The following LGSN variants were observed in gnomAD, a reference collection of about 807,000 sequenced individuals.
LGSN encodes the protein lengsin.
A neutral mutation model predicts 19.5 loss-of-function variants in LGSN; 21 were observed. The observed-to-expected ratio is 1.07, with a 90% CI of 0.76 to 1.55. The LOEUF (loss-of-function observed/expected upper bound fraction) is 1.55. Among genes scored for constraint, LGSN ranks in the 40% most tolerant of loss-of-function variants. LGSN has a pLI of 0.00. For synonymous variants in LGSN, 257 were observed against 215.6 expected, an observed-to-expected ratio of 1.19 and a Z score of -1.68; for missense variants, 673 against 608.5, an observed-to-expected ratio of 1.11 and a Z score of -1.12.
chr6:63,418,818 G>C, the LGSN span, among the ~76,000 whole-genome samples: 2 of 152,150 alleles, frequency 1.3e-5, no homozygotes, highest in Non-Finnish European at 2.9e-5. Context: ...CAGCCTAGCA[G>C]GGCAGAAACC....
chr6:63,388,270 G>T, the LGSN span, among the ~76,000 whole-genome samples: 5 of 152,022 alleles, frequency 3.3e-5, no homozygotes, highest in African/African-American at 1.2e-4. Context: ...AAAAAGTTTA[G>T]GAAATTTCAC....
chr6:63,497,024 G>C, the LGSN span, among the ~76,000 whole-genome samples: 87 of 151,946 alleles, frequency 5.7e-4, no homozygotes, highest in Non-Finnish European at 1.1e-3. Context: ...TTAGTGATAG[G>C]GTCTCACTCC....
the LGSN span, among the ~76,000 whole-genome samples, chr6:63,406,922 T>A: frequency 2.6e-4 from 40 of 152,162 alleles, no homozygotes; most frequent in African/African-American, 9.4e-4. Flanking sequence ...TAAACTAGAA[T>A]ATCTAGAAGA....
At chr6:63,369,749 G>C in the LGSN span, among the ~76,000 whole-genome samples, 1 of 152,198 alleles carries the variant, frequency 6.6e-6, no homozygotes, top group African/African-American at 2.4e-5. Flanking sequence ...GGCCAGGTGA[G>C]GTGGCTCATG....
At chr6:63,476,201 G>A in the LGSN span, among the ~76,000 whole-genome samples, 1 of 152,066 alleles carries the variant, frequency 6.6e-6, no homozygotes, top group East Asian at 1.9e-4. Flanking sequence ...GTGAGATAGT[G>A]CTACCTCATA....
chr6:63,511,750 A>G, the LGSN span, among the ~76,000 whole-genome samples: 2 of 152,130 alleles, frequency 1.3e-5, no homozygotes, highest in African/African-American at 2.4e-5. Context: ...ATTGGAAAAT[A>G]TTTTTACTGT....
At chr6:63,302,567 C>T (rs1768225099) in intron 1 of LGSN, among the ~76,000 whole-genome samples, 3 of 152,098 alleles carry the variant, frequency 2.0e-5, no homozygotes, top group Admixed American at 2.0e-4. Flanking sequence ...AGCACAAGAA[C>T]TAATTGAATA....
chr6:63,512,517 G>A, the LGSN span, among the ~76,000 whole-genome samples: 14,444 of 152,184 alleles, frequency 0.095, 717 homozygotes, highest in East Asian at 0.16. Context: ...TTATTTAATG[G>A]GGAATATTTT....
chr6:63,397,614 T>C, the LGSN span, among the ~76,000 whole-genome samples: 1 of 151,412 alleles, frequency 6.6e-6, no homozygotes, highest in East Asian at 2.0e-4. Context: ...GACTTGTTAA[T>C]AGAAAAAAAA....
intron 2 of LGSN, among the ~76,000 whole-genome samples, chr6:63,290,103 C>G (rs1767707518): frequency 6.6e-6 from 1 of 151,362 alleles, no homozygotes. Flanking sequence ...AGAAGTTATT[C>G]CAAAGAAGAA....
chr6:63,310,069 G>A (rs1768561564), intron 1 of LGSN, among the ~76,000 whole-genome samples: 1 of 152,132 alleles, frequency 6.6e-6, no homozygotes, highest in Non-Finnish European at 1.5e-5. Context: ...TCACAGCTGG[G>A]AATTTTCACA....
the LGSN span, chr6:63,441,582 T>C: frequency 2.2e-6 from 1 of 448,300 alleles, no homozygotes. Context: ...GGCAGAGAAG[T>C]ATGAGGCAAA....
At chr6:63,421,299 G>A in the LGSN span, among the ~76,000 whole-genome samples, 1 of 152,074 alleles carries the variant, frequency 6.6e-6, no homozygotes, top group African/African-American at 2.4e-5. Flanking sequence ...GCACACACCT[G>A]TAATCCCAGC....
the LGSN span, among the ~76,000 whole-genome samples, chr6:63,495,456 C>CTTTT: frequency 1.0e-4 from 8 of 77,746 alleles, no homozygotes; most frequent in Admixed American, 1.5e-4. Flanking sequence ...TTTTCTTTTT[C>CTTTT]TTTTTTTTTT....
At chr6:63,335,003 C>A in the LGSN span, among the ~76,000 whole-genome samples, 1 of 151,624 alleles carries the variant, frequency 6.6e-6, no homozygotes, top group Non-Finnish European at 1.5e-5. Context: ...ACTAGCTGAG[C>A]ATGGTGGCAG....
the LGSN span, among the ~76,000 whole-genome samples, chr6:63,410,504 A>G: frequency 6.6e-6 from 1 of 152,210 alleles, no homozygotes; most frequent in Non-Finnish European, 1.5e-5. Flanking sequence ...ATTCAGATCA[A>G]TATATAAATA....
chr6:63,439,452 T>C, the LGSN span, among the ~76,000 whole-genome samples: 71,391 of 151,754 alleles, frequency 0.47, 17,941 homozygotes, highest in Non-Finnish European at 0.53. Flanking sequence ...GAGGTGGAGG[T>C]TGCAGTGATC....
the LGSN span, among the ~76,000 whole-genome samples, chr6:63,514,099 C>T: frequency 6.6e-6 from 1 of 152,096 alleles, no homozygotes; most frequent in Non-Finnish European, 1.5e-5. Context: ...CTGCCCACAT[C>T]ATTTGGTCCC....
the LGSN span, among the ~76,000 whole-genome samples, chr6:63,461,926 A>G: frequency 6.6e-6 from 1 of 152,190 alleles, no homozygotes; most frequent in Non-Finnish European, 1.5e-5. Flanking sequence ...GTATGAACAT[A>G]GATTCTGCAT....
Sources: gnomAD v4.1 joint callset for allele counts (sites outside exome capture counted in the v4.1 genomes callset) on GRCh38, gnomAD v4.1.1 for gene constraint, MANE v1.5 for transcripts, NCBI Gene and HGNC (gene_info 2026-07-23, HGNC 2026-07-21) for gene names.